The following AGAP1 variants were observed in gnomAD, a reference collection of about 807,000 sequenced individuals.
AGAP1 encodes the protein ArfGAP with GTPase domain, ankyrin repeat and PH domain 1.
In AGAP1, 29 loss-of-function variants were observed where a neutral mutation model predicts 105.3. That is an observed-to-expected ratio of 0.28 (90% CI 0.21 to 0.38). The LOEUF is 0.38. Among genes scored for constraint, AGAP1 ranks in the 10% least tolerant of loss-of-function variants. AGAP1 has a pLI of 1.00. For missense variants in AGAP1, 998 were observed against 1,165.1 expected, an observed-to-expected ratio of 0.86 and a Z score of 2.09; for synonymous variants, 509 against 485.9, an observed-to-expected ratio of 1.05 and a Z score of -0.63.
chr2:235,894,268 C>G (rs983235424), intron 10 of AGAP1, among the ~76,000 whole-genome samples: 1 of 152,138 alleles, frequency 6.6e-6, no homozygotes, highest in Non-Finnish European at 1.5e-5. Context: ...GAAGAATCCC[C>G]AGTTGGTTGG....
Position 236,005,810 on chromosome 2 carries a change from G to A in AGAP1, c.1646-30751G>A, listed in dbSNP as rs925118338. ...TGAAGTGCTATTTCCATCCTATCCT[G>A]TCAAGGGTATATACCATCAACTTTA... On this transcript the variant is annotated intron_variant, in intron 13 of 17. Coordinates refer to ENST00000304032, the MANE Select transcript of AGAP1 (RefSeq NM_001037131.3). This position sits in a 1 kb window ranked among gnomAD's most constrained non-coding sequence, Gnocchi z 4.1. Among the ~76,000 whole-genome samples, 1 of 152,226 alleles carries A rather than the reference G, an allele frequency of 6.6e-6. No individual in the cohort carries two copies. The highest frequency in any genetic ancestry group is 2.4e-5 in the African/African-American group (1 of 41,458).
rs1285076950 is a variant in AGAP1 at position 235,737,352 on chromosome 2, T to C, written c.311-3611T>C. 2.0e-5 allele frequency among the ~76,000 whole-genome samples: 3 copies of C among 152,264 alleles called. No individual in the cohort carries two copies. The highest frequency in any genetic ancestry group is 6.5e-5 in the Admixed American group (1 of 15,290). Reference sequence around the variant, plus strand: ...AGATGCTGAAAAGAACTGTTAATTATACTCTGTATCTGCCGGGGGAATGTA... The same window carrying C: ...AGATGCTGAAAAGAACTGTTAATTACACTCTGTATCTGCCGGGGGAATGTA... On this transcript the variant is annotated intron_variant, in intron 3 of 17. Coordinates refer to ENST00000304032, the MANE Select transcript of AGAP1 (RefSeq NM_001037131.3). This position sits in a 1 kb window ranked among gnomAD's most constrained non-coding sequence, Gnocchi z 4.5.
intron 1 of AGAP1, among the ~76,000 whole-genome samples, chr2:235,573,030 C>CT (rs1470886396): frequency 0.01 from 234 of 22,922 alleles, 21 homozygotes; most frequent in African/African-American, 0.06. Context: ...TCTTCTTCTT[C>CT]TTCTTCTTCT....
rs554877926 is a variant in AGAP1 at position 235,960,129 on chromosome 2, C to T, written c.1484-8333C>T. Among the ~76,000 whole-genome samples, 6 of 152,284 alleles carry T rather than the reference C, an allele frequency of 3.9e-5. No individual in the cohort carries two copies. The East Asian group carries it at 7.8e-4, about 20-fold the overall frequency. ...CAAATGGGGGCGGGGAGGGTGCTTG[C>T]GGACCCACCCTGGAGGACCTCGGCC... On this transcript the variant is annotated intron_variant, in intron 12 of 17. Transcript: ENST00000304032. This position sits in a 1 kb window ranked among gnomAD's most constrained non-coding sequence, Gnocchi z 4.9.
chr2:236,126,147 C>T lies in AGAP1; in HGVS notation c.*2025C>T, dbSNP rs755033797. On this transcript the variant is annotated 3_prime_UTR_variant, in exon 18 of 18. Transcript: ENST00000304032. ...TTAACGAAGCTAAGTGGAGCTCACT[C>T]GTATCCAAAAGTATAACAGGTGCAG... The T allele has an allele frequency of 1.2e-4, 19 of 152,180 alleles. No homozygotes were observed. Among genetic ancestry groups the T allele is most frequent in the Admixed American group, 5.2e-4 (8 of 15,278 alleles). 9.4% of individuals were successfully genotyped at this position (152,180 alleles called of 1,614,324 possible).
Position 235,553,728 on chromosome 2 carries a change from A to T in AGAP1, c.163+58879A>T, listed in dbSNP as rs576088972. ...CAACTGCCAGAGTCTCAAGCAGGTG[A>T]GGGTGGGGTGCAGGAGAGGAGCGTT... On this transcript the variant is annotated intron_variant, in intron 1 of 17. Transcript: ENST00000304032. The surrounding 1 kb of genome is among the most constrained non-coding windows in gnomAD (Gnocchi z 4.5). Among the ~76,000 whole-genome samples the T allele has an allele frequency of 6.6e-6, 1 of 152,108 alleles. No homozygotes were observed. Among genetic ancestry groups the T allele is most frequent in the Non-Finnish European group, 1.5e-5 (1 of 67,984 alleles).
At chr2:235,527,493 C>T (rs989576310) in intron 1 of AGAP1, among the ~76,000 whole-genome samples, 2 of 152,194 alleles carry the variant, frequency 1.3e-5, no homozygotes, top group Non-Finnish European at 2.9e-5. Flanking sequence ...ACCATAGCCT[C>T]CTGAATAGCT....
chr2:235,990,254 T>C (rs2125449956), intron 13 of AGAP1, among the ~76,000 whole-genome samples: 1 of 152,306 alleles, frequency 6.6e-6, no homozygotes. Context: ...TCATCCTCCT[T>C]AAAGCACCCA....
intron 9 of AGAP1, among the ~76,000 whole-genome samples, chr2:235,878,929 G>A (rs1037896030): frequency 1.3e-5 from 2 of 152,236 alleles, no homozygotes; most frequent in African/African-American, 4.8e-5. Context: ...CTTGGTGGTT[G>A]TGCTTTGGAA....
In AGAP1 at chr2:235,750,720, G is replaced by T. The variant is rs1000543358; in HGVS notation, c.673+232G>T. Among the ~76,000 whole-genome samples, 2 of 152,154 alleles carry T rather than the reference G, an allele frequency of 1.3e-5. No homozygotes were observed. Among genetic ancestry groups the T allele is most frequent in the Non-Finnish European group, 2.9e-5 (2 of 68,028 alleles). On this transcript the variant is annotated intron_variant, in intron 6 of 17. Transcript: ENST00000304032. The surrounding 1 kb of genome is among the most constrained non-coding windows in gnomAD (Gnocchi z 5.3). ...ATGGCTTGAGAACAGCCTGGTGTTGGGTCTGTGTGTCTCCTATGGGGCCTT... is the reference window on the plus strand; with the variant it reads ...ATGGCTTGAGAACAGCCTGGTGTTGTGTCTGTGTGTCTCCTATGGGGCCTT...
At chr2:235,591,604 G>A in intron 1 of AGAP1, among the ~76,000 whole-genome samples, 1 of 152,120 alleles carries the variant, frequency 6.6e-6, no homozygotes, top group South Asian at 2.1e-4. Context: ...TGGTTTGGAT[G>A]ATTTTCTCCT....
At chr2:235,648,729 A>G (rs1264565582) in intron 1 of AGAP1, among the ~76,000 whole-genome samples, 1 of 151,690 alleles carries the variant, frequency 6.6e-6, no homozygotes, top group African/African-American at 2.4e-5. Context: ...AAAAAAAAAA[A>G]AAAAAACATT....
chr2:235,564,615 CCTGGACCACCACCCAGGGCCAGGTGTGAG>C (rs1408283984), intron 1 of AGAP1, among the ~76,000 whole-genome samples: 8 of 143,528 alleles, frequency 5.6e-5, no homozygotes, highest in Admixed American at 6.8e-5. Flanking sequence ...CAGGTGTGAG[CCTGGACCACCACCCAGGGCCAGGTGTGAG>C]CCTGGACCAC....
intron 1 of AGAP1, among the ~76,000 whole-genome samples, chr2:235,531,205 G>C (rs1943033244): frequency 6.6e-6 from 1 of 152,184 alleles, no homozygotes; most frequent in African/African-American, 2.4e-5. Flanking sequence ...ATTGGCTGGA[G>C]CTCTCCTTTT....
chr2:235,818,295 G>C (rs1958578293), intron 9 of AGAP1, among the ~76,000 whole-genome samples: 1 of 152,200 alleles, frequency 6.6e-6, no homozygotes, highest in African/African-American at 2.4e-5. Context: ...GGGATGTTAA[G>C]GTATGAGACC....
chr2:235,711,383 G>A (rs1270322949), intron 2 of AGAP1, among the ~76,000 whole-genome samples: 3 of 152,200 alleles, frequency 2.0e-5, no homozygotes, highest in Non-Finnish European at 2.9e-5. Flanking sequence ...GCCCATAATC[G>A]AGGATGCTTA....
At chr2:235,917,819 G>A (rs548044709) in intron 11 of AGAP1, among the ~76,000 whole-genome samples, 6 of 152,290 alleles carry the variant, frequency 3.9e-5, no homozygotes, top group Admixed American at 1.3e-4. Flanking sequence ...CTCATTGGCG[G>A]TACTTAAGGA....
intron 11 of AGAP1, among the ~76,000 whole-genome samples, chr2:235,918,582 G>A (rs1054883724): frequency 3.3e-5 from 5 of 152,152 alleles, no homozygotes; most frequent in African/African-American, 7.2e-5. Flanking sequence ...AATTCGTGTG[G>A]TATTGTTTCC....
chr2:235,920,432 C>T (rs1337576470), intron 11 of AGAP1, among the ~76,000 whole-genome samples: 1 of 152,162 alleles, frequency 6.6e-6, no homozygotes, highest in Non-Finnish European at 1.5e-5. Context: ...GCGCATGGTG[C>T]CCCAAGCGCA....
Sources: allele counts gnomAD v4.1 joint callset (sites outside exome capture counted in the v4.1 genomes callset), GRCh38; gene constraint gnomAD v4.1.1; non-coding constraint Gnocchi (gnomAD v3.1); transcripts MANE v1.5; gene names NCBI Gene and HGNC (gene_info 2026-07-23, HGNC 2026-07-21).